Variants in KIAA1549 observed in about 807,000 individuals in gnomAD.
KIAA1549 encodes the protein KIAA1549.
A neutral mutation model predicts 156.4 loss-of-function variants in KIAA1549; 70 were observed. The ratio of observed to expected loss-of-function variants is 0.45; its 90% CI spans 0.37 to 0.55. The LOEUF (loss-of-function observed/expected upper bound fraction) is 0.55, where lower values mean the gene tolerates loss of function less well. Ranked by LOEUF, KIAA1549 falls within the 20% of genes least tolerant of loss-of-function variation. The pLI is 0.00. For synonymous variants in KIAA1549, 1,103 were observed against 1,066.4 expected, an observed-to-expected ratio of 1.03 and a Z score of -0.67; for missense variants, 2,428 against 2,540.9, an observed-to-expected ratio of 0.96 and a Z score of 0.96.
At chr7:138,876,963 CA>C (rs1218167954) in intron 12 of KIAA1549, among the ~76,000 whole-genome samples, 1 of 152,154 alleles carries the variant, frequency 6.6e-6, no homozygotes, top group Admixed American at 6.5e-5. Flanking sequence ...TCTCAGCTTC[CA>C]TTGCAAGGTG....
rs770001154 is a variant in KIAA1549 at position 138,918,337 on chromosome 7, T to G, written c.1289A>C (p.Gln430Pro). Residue 430 changes from glutamine to proline, a missense_variant, in exon 2 of 20, where the codon CAG becomes CCG. Physicochemically the swap from Gln to Pro is moderately conservative, Grantham distance 76 (BLOSUM62 -1). This residue lies in a region of KIAA1549 where 893 missense variants were observed against 847.9 expected (regional missense o/e 1.05). Transcript: ENST00000422774. This position sits in a 1 kb window ranked among gnomAD's most constrained non-coding sequence, Gnocchi z 4.2. ...WCAACTVPSP[Q>P]QVLATSLMEK... Reference sequence around the variant, plus strand: ...CATGAGGCTCGTGGCCAGAACTTGCTGAGGTGAAGGCACAGTGCAGGCCGC... The same window carrying G: ...CATGAGGCTCGTGGCCAGAACTTGCGGAGGTGAAGGCACAGTGCAGGCCGC... The G allele has an allele frequency of 8.7e-6, 14 of 1,613,964 alleles. No individual in the cohort carries two copies. Among genetic ancestry groups the G allele is most frequent in the Non-Finnish European group, 1.2e-5 (14 of 1,179,882 alleles).
intron 16 of KIAA1549, among the ~76,000 whole-genome samples, chr7:138,856,196 G>A (rs143587364): frequency 0.089 from 13,307 of 149,904 alleles, 701 homozygotes; most frequent in East Asian, 0.22. Context: ...CACGCCCAGC[G>A]AATTTTTTTT....
chr7:138,950,670 T>TGTTCCCAGGCACC (rs1180036352), intron 1 of KIAA1549, among the ~76,000 whole-genome samples: 1 of 152,228 alleles, frequency 6.6e-6, no homozygotes, highest in Non-Finnish European at 1.5e-5. Context: ...TTCCAGGCAC[T>TGTTCCCAGGCACC]GTTCCCAGGC....
chr7:138,842,336 A>C (rs947457671), intron 18 of KIAA1549, among the ~76,000 whole-genome samples: 1 of 152,184 alleles, frequency 6.6e-6, no homozygotes, highest in African/African-American at 2.4e-5. Context: ...TGTGACCCTG[A>C]GCAACGGGCT....
intron 2 of KIAA1549, 73 bp from the exon 3 acceptor site, chr7:138,912,533 C>T (rs1280047820): frequency 2.4e-6 from 3 of 1,266,742 alleles, no homozygotes; most frequent in African/African-American, 2.9e-5. Flanking sequence ...ACTTCTGGAC[C>T]CCAGCACTGT....
At chr7:138,897,892 CAAAAAAAAAA>C (rs59242488) in intron 9 of KIAA1549, among the ~76,000 whole-genome samples, 466 of 27,494 alleles carry the variant, frequency 0.017, 6 homozygotes, top group African/African-American at 0.047. Flanking sequence ...GACCCTTTCT[CAAAAAAAAAA>C]AAAAAAAAAA....
intron 1 of KIAA1549, among the ~76,000 whole-genome samples, chr7:138,930,359 C>A (rs1812836015): frequency 6.6e-6 from 1 of 152,166 alleles, no homozygotes. Context: ...GCTTCATTGG[C>A]CCCTAACAAG....
intron 16 of KIAA1549, among the ~76,000 whole-genome samples, chr7:138,857,170 C>T (rs1382928290): frequency 4.6e-5 from 7 of 152,138 alleles, no homozygotes; most frequent in African/African-American, 1.7e-4. Context: ...GAGCCGACTC[C>T]TCATAATAAG....
Position 138,861,175 on chromosome 7 carries a change from G to A in KIAA1549, c.5211C>T (p.Phe1737=), listed in dbSNP as rs1341395461. 3.1e-6 allele frequency: 5 copies of A among 1,613,880 alleles called. No individual in the cohort carries two copies. Among genetic ancestry groups the A allele is most frequent in the Non-Finnish European group, 4.2e-6 (5 of 1,179,874 alleles). ...TGTTGGCCGTCTGGGCTGGGCTGTA[G>A]AAGGACCCCCACTGGGTGGCTCGCC... The part of the protein sequence containing the change: ...EERRATQWGS[F]YSPAQTANNP... The change falls in exon 16 of 20, where the codon TTC becomes TTT. Residue 1737 remains phenylalanine (F), a synonymous_variant. Coordinates refer to ENST00000422774, the MANE Select transcript of KIAA1549 (RefSeq NM_001164665.2).
chr7:138,887,898 T>G (rs1041723628), intron 10 of KIAA1549, among the ~76,000 whole-genome samples: 3 of 152,198 alleles, frequency 2.0e-5, no homozygotes, highest in Non-Finnish European at 4.4e-5. Flanking sequence ...TTTTATTTCA[T>G]AGCTTCCCCT....
At chr7:138,868,848 T>C (rs182973927) in intron 14 of KIAA1549, among the ~76,000 whole-genome samples, 71 of 152,258 alleles carry the variant, frequency 4.7e-4, no homozygotes, top group African/African-American at 1.6e-3. Context: ...GGCCGTCTCC[T>C]GGGTGGCAGT....
At chr7:138,854,036 A>G (rs1291529232) in intron 16 of KIAA1549, among the ~76,000 whole-genome samples, 2 of 152,156 alleles carry the variant, frequency 1.3e-5, no homozygotes, top group Non-Finnish European at 1.5e-5. Flanking sequence ...AAAGAATGTC[A>G]TATTTCTAGG....
rs1001238281 is a variant in KIAA1549, at chr7:138,851,333, T to C, written c.5294+890A>G. On this transcript the variant is annotated intron_variant, in intron 17 of 19. Transcript: ENST00000422774. ...TATTATTTTATATTTAAGCATTCTT[T>C]AGTGAGCCTAGAACTACACTAGAAT... Among the ~76,000 whole-genome samples the C allele has an allele frequency of 2.0e-5, 3 of 152,184 alleles. No individual in the cohort carries two copies. The South Asian group carries it at 6.2e-4, about 32-fold the overall frequency.
At chr7:138,907,523 G>C (rs111391456) in intron 5 of KIAA1549, among the ~76,000 whole-genome samples, 3 of 152,318 alleles carry the variant, frequency 2.0e-5, no homozygotes, top group African/African-American at 7.2e-5. Context: ...GGCTGCAGCA[G>C]AGCCAAGGGC....
rs1296407463 is a variant in KIAA1549, at chr7:138,833,537, C to T, written c.*4369G>A. On this transcript the variant is annotated 3_prime_UTR_variant, in exon 20 of 20. Transcript: ENST00000422774. ...TCACAGTCCGCATGCCAGGAAAGATCTGGCCGGCAAACACCCACTGCTTAA... is the reference window on the plus strand; with the variant it reads ...TCACAGTCCGCATGCCAGGAAAGATTTGGCCGGCAAACACCCACTGCTTAA... 1 of 232,704 alleles carries T rather than the reference C, an allele frequency of 4.3e-6. No individual in the cohort carries two copies. Among genetic ancestry groups the T allele is most frequent in the Non-Finnish European group, 8.5e-6 (1 of 117,678 alleles). 14.4% of individuals were successfully genotyped at this position (232,704 alleles called of 1,614,324 possible). A position where few individuals can be genotyped will look rare whatever the true frequency, so the allele number is the denominator to read the frequency against.
In KIAA1549 at chr7:138,917,944, A is replaced by G. The variant is rs754904703; in HGVS notation, c.1682T>C (p.Ile561Thr). The change falls in exon 2 of 20, where the codon ATC (isoleucine) becomes ACC (threonine). Residue 561 changes from isoleucine (I) to threonine (T), a missense_variant. This residue lies in a region of KIAA1549 where 893 missense variants were observed against 847.9 expected (regional missense o/e 1.05). Coordinates refer to ENST00000422774, the MANE Select transcript of KIAA1549 (RefSeq NM_001164665.2). ...SSVTTAFFSV[I>T]TSILLDSSFS... ...AGATGAGTCAAGGAGAATGCTGGTG[A>G]TGACCGAGAAAAATGCAGTGGTCAC... 6.3e-7 allele frequency: 1 copy of G among 1,593,246 alleles called. No individual in the cohort carries two copies. Among genetic ancestry groups the G allele is most frequent in the Admixed American group, 1.8e-5 (1 of 56,024 alleles).
rs1286148117 is a variant in KIAA1549 at position 138,835,075 on chromosome 7, C to G, written c.*2831G>C. On this transcript the variant is annotated 3_prime_UTR_variant, in exon 20 of 20. Coordinates refer to ENST00000422774, the MANE Select transcript of KIAA1549 (RefSeq NM_001164665.2). ...AGGAAAAAAGAATAGACATAAAATTCAACTGTTCATTGTAGAGTGCTTCCA... is the reference window on the plus strand; with the variant it reads ...AGGAAAAAAGAATAGACATAAAATTGAACTGTTCATTGTAGAGTGCTTCCA... 2 of 223,814 alleles carry G rather than the reference C, an allele frequency of 8.9e-6. No homozygotes were observed. Among genetic ancestry groups the G allele is most frequent in the African/African-American group, 4.5e-5 (2 of 44,758 alleles). The allele number at this position is 223,814 out of a possible 1,614,324, so 13.9% of individuals were successfully genotyped here.
intron 1 of KIAA1549, among the ~76,000 whole-genome samples, chr7:138,953,476 T>C (rs1343510486): frequency 6.6e-6 from 1 of 152,142 alleles, no homozygotes; most frequent in Admixed American, 6.5e-5. Flanking sequence ...GATACATTTT[T>C]AAGAAGGGTC....
intron 1 of KIAA1549, among the ~76,000 whole-genome samples, chr7:138,975,540 C>G (rs115019544): frequency 3.9e-5 from 6 of 151,974 alleles, no homozygotes; most frequent in African/African-American, 1.5e-4. Context: ...GAGATTAGCG[C>G]TAATCTCATT....
Sources: allele counts gnomAD v4.1 joint callset (sites outside exome capture counted in the v4.1 genomes callset), GRCh38; gene constraint gnomAD v4.1.1; regional missense constraint gnomAD v4.1.1; non-coding constraint Gnocchi (gnomAD v3.1); transcripts MANE v1.5; gene names NCBI Gene and HGNC (gene_info 2026-07-23, HGNC 2026-07-21).